Variants in CHUK observed in about 807,000 individuals in gnomAD.
CHUK encodes the protein inhibitor of nuclear factor kappa-B kinase subunit alpha.
CHUK carries 35 observed loss-of-function variants against 104.8 expected under a neutral mutation model. The observed-to-expected ratio is 0.33, with a 90% CI of 0.26 to 0.44. The LOEUF is 0.44. Ranked by LOEUF, CHUK falls within the 20% of genes least tolerant of loss-of-function variation. The pLI, the probability that CHUK is intolerant of heterozygous loss-of-function variation, is 1.00. For missense variants in CHUK, 663 were observed against 902.7 expected, an observed-to-expected ratio of 0.73 and a Z score of 3.40; for synonymous variants, 276 against 291.9, an observed-to-expected ratio of 0.95 and a Z score of 0.56.
At chr10:100,193,715 G>C in intron 18 of CHUK, 1 of 593,496 alleles carries the variant, frequency 1.7e-6, no homozygotes, top group South Asian at 2.0e-5. Context: ...CATTATCTAG[G>C]CAGGTACATC....
chr10:100,219,101 G>A lies in CHUK; in HGVS notation c.596C>T (p.Thr199Ile). ...APELFENKPY[T>I]ATVDYWSFGT... ...AAAGCTCCAATAATCAACAGTGGCT[G>A]TGTAAGGCTTATTCTCAAAGAGCTC... is the stretch of plus-strand genomic sequence containing the variant. Residue 199 changes from threonine (T) to isoleucine (I), a missense_variant, in exon 7 of 21, where the codon ACA (threonine) becomes ATA (isoleucine). By Grantham distance (89) the Thr-to-Ile change is moderately conservative. Around this residue, in one of 5 missense-constraint regions of CHUK, gnomAD observed 200 missense variants for 333.0 expected, o/e 0.60. Coordinates refer to ENST00000370397, the MANE Select transcript of CHUK (RefSeq NM_001278.5). The A allele has an allele frequency of 6.2e-7, 1 of 1,613,518 alleles. No individual in the cohort carries two copies. The highest frequency in any genetic ancestry group is 8.5e-7 in the Non-Finnish European group (1 of 1,179,448).
At position 100,209,668 on chromosome 10, in the gene CHUK, T is replaced by C; in HGVS notation, c.1055A>G (p.Gln352Arg). Residue 352 changes from glutamine to arginine, a missense_variant, in exon 10 of 21, where the codon CAA (glutamine) becomes CGA (arginine). Physicochemically the swap from Gln to Arg is conservative, Grantham distance 43. Around this residue, in one of 5 missense-constraint regions of CHUK, gnomAD observed 93 missense variants for 95.9 expected, o/e 0.97. Transcript: ENST00000370397. ...ERETGINTGS[Q>R]ELLSETGISL... ...AATTCCTGTCTCTGAAAGAAGTTCTTGAGAACCAGTATTTATTCCAGTTTC... is the reference window on the plus strand; with the variant it reads ...AATTCCTGTCTCTGAAAGAAGTTCTCGAGAACCAGTATTTATTCCAGTTTC... The C allele has an allele frequency of 6.2e-7, 1 of 1,608,418 alleles. No homozygotes were observed. Among genetic ancestry groups the C allele is most frequent in the Non-Finnish European group, 8.5e-7 (1 of 1,174,798 alleles).
intron 9 of CHUK, among the ~76,000 whole-genome samples, chr10:100,211,720 A>G (rs1389075128): frequency 6.6e-6 from 1 of 152,078 alleles, no homozygotes; most frequent in East Asian, 1.9e-4. Flanking sequence ...CTTTTTCCCT[A>G]TCCATTCATC....
At position 100,218,671 on chromosome 10, in the gene CHUK, A is replaced by G. The variant is rs773881987; in HGVS notation, c.797+47T>C. ...GACAACTACTCTCCTGCTCCTTTACAACTCTGGAGAAACTGAGGCAAACTT... is the reference window on the plus strand; with the variant it reads ...GACAACTACTCTCCTGCTCCTTTACGACTCTGGAGAAACTGAGGCAAACTT... On this transcript the variant is annotated intron_variant, in intron 8 of 20. Coordinates refer to ENST00000370397, the MANE Select transcript of CHUK (RefSeq NM_001278.5). 9 of 1,216,798 alleles carry G rather than the reference A, an allele frequency of 7.4e-6. No individual in the cohort carries two copies. In the East Asian group the frequency reaches 1.4e-4, roughly 19 times the overall value. 75.4% of individuals were successfully genotyped at this position (1,216,798 alleles called of 1,614,324 possible).
rs577536930 is a variant in CHUK at position 100,193,037 on chromosome 10, T to C, written c.2108+261A>G. ...CATTTGAGCTAATAATACGCAACAT[T>C]TGCTGAACATTTATTTCCCAAGCAC... On this transcript the variant is annotated intron_variant, in intron 19 of 20. Coordinates refer to ENST00000370397, the MANE Select transcript of CHUK (RefSeq NM_001278.5). 8 of 480,646 alleles carry C rather than the reference T, an allele frequency of 1.7e-5. No homozygotes were observed. The South Asian group carries it at 1.8e-4, about 11-fold the overall frequency. 29.8% of individuals were successfully genotyped at this position (480,646 alleles called of 1,614,324 possible).
In CHUK at chr10:100,219,439, G is replaced by A. The variant is rs17886121; in HGVS notation, c.475-80C>T. On this transcript the variant is annotated intron_variant, in intron 5 of 20. Transcript: ENST00000370397. ...AAGACAACAATATCCTTACGAGGCT[G>A]TAGACAGGGTAGTGGTGAGGACCTT... 34,167 of 829,196 alleles carry A rather than the reference G, an allele frequency of 0.041. 1,213 individuals carry two copies. Among genetic ancestry groups the A allele is most frequent in the African/African-American group, 0.11 (6,652 of 59,200 alleles). The allele number at this position is 829,196 out of a possible 1,614,324, so 51.4% of individuals were successfully genotyped here.
intron 9 of CHUK, among the ~76,000 whole-genome samples, chr10:100,213,136 T>C (rs187822470): frequency 3.3e-4 from 50 of 152,216 alleles, no homozygotes; most frequent in Non-Finnish European, 6.8e-4. Flanking sequence ...ACACAGTGCA[T>C]GTATTGAAAC....
At chr10:100,190,535 C>T in intron 20 of CHUK, 1 of 336,372 alleles carries the variant, frequency 3.0e-6, no homozygotes, top group Non-Finnish European at 5.7e-6. Context: ...AATTAAAGTA[C>T]AAGTCCCATC....
At chr10:100,196,157 A>G (rs1845321562) in intron 16 of CHUK, among the ~76,000 whole-genome samples, 1 of 152,148 alleles carries the variant, frequency 6.6e-6, no homozygotes, top group Admixed American at 6.5e-5. Context: ...GAAATCTTAG[A>G]TTTTAATATT....
chr10:100,190,784 A>C (rs903672359), intron 20 of CHUK, 85 bp downstream of exon 20: 11 of 821,214 alleles, frequency 1.3e-5, no homozygotes, highest in South Asian at 9.3e-5. Flanking sequence ...ATGCATCCCA[A>C]ATGCCAGATA....
chr10:100,209,067 G>C (rs939333589), intron 10 of CHUK, among the ~76,000 whole-genome samples: 1 of 152,144 alleles, frequency 6.6e-6, no homozygotes, highest in African/African-American at 2.4e-5. Context: ...CCCATTTAGA[G>C]TAAGTAAATT....
chr10:100,219,481 CA>C, intron 5 of CHUK, 122 bp from the exon 6 acceptor site: 1 of 662,898 alleles, frequency 1.5e-6, no homozygotes. Context: ...TGTAATAACA[CA>C]AAAATATTTC....
At chr10:100,205,298 A>T in intron 11 of CHUK, 99 bp from the exon 12 acceptor site, 1 of 1,257,898 alleles carries the variant, frequency 7.9e-7, no homozygotes, top group Non-Finnish European at 1.2e-6. Context: ...GTCCACACAA[A>T]CAGGATTCCC....
chr10:100,200,061 T>A, intron 15 of CHUK, 41 bp from the exon 16 acceptor site: 1 of 1,390,326 alleles, frequency 7.2e-7, no homozygotes, highest in Non-Finnish European at 1.0e-6. Flanking sequence ...GAAGGTAATT[T>A]AATGACTTCA....
chr10:100,220,812 A>AG (rs1817004533), intron 4 of CHUK, 136 bp from the exon 5 acceptor site: 1 of 629,800 alleles, frequency 1.6e-6, no homozygotes, highest in African/African-American at 2.4e-5. Flanking sequence ...CTAATACTAC[A>AG]GTGTCCAGGT....
chr10:100,222,700 T>A (rs935376267), intron 3 of CHUK, among the ~76,000 whole-genome samples, 166 bp downstream of exon 3: 1 of 152,304 alleles, frequency 6.6e-6, no homozygotes, highest in South Asian at 2.1e-4. Flanking sequence ...CCATAGACAA[T>A]GTGTAAAGAA....
Position 100,188,638 on chromosome 10 carries a change from A to C in CHUK, c.*960T>G, listed in dbSNP as rs1845126558. The C allele has an allele frequency of 6.6e-6, 1 of 152,480 alleles. No homozygotes were observed. The highest frequency in any genetic ancestry group is 2.1e-4 in the South Asian group (1 of 4,832). The allele number at this position is 152,480 out of a possible 1,614,324, so 9.4% of individuals were successfully genotyped here. On this transcript the variant is annotated 3_prime_UTR_variant, in exon 21 of 21. Transcript: ENST00000370397. ...CTCTCATCATCAAGCAGCAAAATAA[A>C]GGAATATTCACACTAAATGGGATAA...
chr10:100,209,970 A>G (rs1215710491), intron 9 of CHUK, among the ~76,000 whole-genome samples, 181 bp from the exon 10 acceptor site: 1 of 152,132 alleles, frequency 6.6e-6, no homozygotes, highest in African/African-American at 2.4e-5. Flanking sequence ...AAACTGAACA[A>G]TTTCCTTTTC....
downstream of CHUK, chr10:100,187,327 C>T (rs1411608638): frequency 6.6e-6 from 1 of 152,218 alleles, no homozygotes; most frequent in East Asian, 1.9e-4. Flanking sequence ...TAGAATCAAT[C>T]CGTCTTCATT....
Sources: gnomAD v4.1 joint callset for allele counts (sites outside exome capture counted in the v4.1 genomes callset) on GRCh38, gnomAD v4.1.1 for gene constraint, gnomAD v4.1.1 regional missense constraint, MANE v1.5 for transcripts, NCBI Gene and HGNC (gene_info 2026-07-23, HGNC 2026-07-21) for gene names.